URB2: variants seen among roughly 807,000 people sequenced by gnomAD.
URB2 encodes the protein URB2 ribosome biogenesis homolog, also known as unhealthy ribosome biogenesis protein 2 homolog.
In URB2, 86 loss-of-function variants were observed where a neutral mutation model predicts 120.9. The observed-to-expected ratio is 0.71, with a 90% CI of 0.60 to 0.85. The LOEUF (loss-of-function observed/expected upper bound fraction) is 0.85. Ranked by LOEUF, URB2 falls within the 40% of genes least tolerant of loss-of-function variation. The pLI is 0.00. For synonymous variants in URB2, 755 were observed against 758.4 expected, an observed-to-expected ratio of 1.00 and a Z score of 0.07; for missense variants, 1,765 against 1,836.5, an observed-to-expected ratio of 0.96 and a Z score of 0.71.
At chr1:229,639,306 A>G (rs1665941797) in intron 4 of URB2, among the ~76,000 whole-genome samples, 1 of 151,778 alleles carries the variant, frequency 6.6e-6, no homozygotes, top group African/African-American at 2.4e-5. Context: ...ATAAAAAAAT[A>G]AATTAAAAAA....
intron 6 of URB2, 89 bp from the exon 7 acceptor site, chr1:229,647,421 T>C: frequency 6.7e-7 from 1 of 1,491,720 alleles, no homozygotes. Flanking sequence ...GCACAGACAT[T>C]TCTACCTCAG....
rs1665823313 is a variant in URB2 at position 229,636,456 on chromosome 1, C to T, written c.1843C>T (p.Gln615Ter). Residue 615 changes from glutamine (Q) to a stop codon, truncating the protein, a stop_gained, in exon 4 of 10, where the codon CAG becomes TAG. Coordinates refer to ENST00000258243, the MANE Select transcript of URB2 (RefSeq NM_014777.4). LOFTEE classifies it high-confidence loss of function. ...GCTCCTGCTCTCTTACACTTGGGCC[C>T]AGGTGGACGCTATGTTCAGTTTGAA... Reference protein sequence around the residue: ...SVLLLSYTWAQVDAMFSLNCS... With the variant: ...SVLLLSYTWA 1 of 1,614,250 alleles carries T rather than the reference C, an allele frequency of 6.2e-7. No individual in the cohort carries two copies. The highest frequency in any genetic ancestry group is 8.5e-7 in the Non-Finnish European group (1 of 1,180,046).
At chr1:229,654,017 A>G (rs1303546459) in intron 8 of URB2, among the ~76,000 whole-genome samples, 2 of 150,366 alleles carry the variant, frequency 1.3e-5, no homozygotes, top group Admixed American at 6.7e-5. Flanking sequence ...TAGACTCTTA[A>G]AAACACCCGA....
chr1:229,648,943 G>C (rs1036919352), intron 7 of URB2, among the ~76,000 whole-genome samples: 1 of 152,208 alleles, frequency 6.6e-6, no homozygotes, highest in African/African-American at 2.4e-5. Flanking sequence ...ATAGCCTGTT[G>C]CTTCTGGGCT....
At chr1:229,654,409 T>G in intron 9 of URB2, 21 bp downstream of exon 9, 1 of 1,614,118 alleles carries the variant, frequency 6.2e-7, no homozygotes, top group Non-Finnish European at 8.5e-7. Flanking sequence ...GTTCAATGTC[T>G]TTCACCAAGT....
chr1:229,642,455 A>G (rs1217999304), intron 4 of URB2, among the ~76,000 whole-genome samples: 1 of 152,210 alleles, frequency 6.6e-6, no homozygotes, highest in Non-Finnish European at 1.5e-5. Flanking sequence ...TGCTGTAAAT[A>G]GTAAGCAAAG....
At position 229,637,377 on chromosome 1, in the gene URB2, C is replaced by G; in HGVS notation, c.2764C>G (p.Leu922Val). The G allele has an allele frequency of 6.2e-7, 1 of 1,614,244 alleles. No homozygotes were observed. The highest frequency in any genetic ancestry group is 8.5e-7 in the Non-Finnish European group (1 of 1,180,042). ...TCATGTGCATTATTTTCTTGTGTTA[C>G]TGTCCATGGCCGTCACCAAACTAGG... ...PYHVHYFLVL[L>V]SMAVTKLGCS... Residue 922 changes from leucine (L) to valine (V), a missense_variant, in exon 4 of 10, where the codon CTG becomes GTG. Physicochemically the swap from Leu to Val is conservative, Grantham distance 32. Transcript: ENST00000258243.
chr1:229,655,363 A>T (rs558811095), intron 9 of URB2, among the ~76,000 whole-genome samples: 2 of 152,250 alleles, frequency 1.3e-5, no homozygotes, highest in South Asian at 4.1e-4. Flanking sequence ...CCCCCTGAGT[A>T]GCTAGGATTA....
Position 229,637,589 on chromosome 1 carries a change from C to T in URB2, c.2976C>T (p.Pro992=), listed in dbSNP as rs80169786. The T allele has an allele frequency of 1.3e-3, 2,082 of 1,614,156 alleles. 37 individuals carry two copies. In the African/African-American group the frequency reaches 0.025, roughly 19 times the overall value. The part of the protein sequence containing the change: ...SSRFLIEMDD[P]AWLEFLQVIG... Reference sequence around the variant, plus strand: ...GGTTCCTTATTGAGATGGATGATCCCGCTTGGCTGGAATTCCTCCAAGTGA... The same window carrying T: ...GGTTCCTTATTGAGATGGATGATCCTGCTTGGCTGGAATTCCTCCAAGTGA... Residue 992 remains proline, a synonymous_variant, in exon 4 of 10, where the codon CCC becomes CCT. Transcript: ENST00000258243.
chr1:229,643,630 G>C lies in URB2; in HGVS notation c.3732G>C (p.Arg1244Ser). Residue 1244 changes from arginine (R) to serine (S), a missense_variant, in exon 5 of 10, where the codon AGG becomes AGC. Arg to Ser is a moderately radical substitution (Grantham distance 110). Transcript: ENST00000258243. Reference sequence around the variant, plus strand: ...AGGTTGGGACGACAGAGGACTTGAGGCTGGTGATGCAGTGTATTCTCCAGG... The same window carrying C: ...AGGTTGGGACGACAGAGGACTTGAGCCTGGTGATGCAGTGTATTCTCCAGG... Reference protein sequence around the residue: ...MLEVGTTEDLRLVMQCILQGL... With the variant: ...MLEVGTTEDLSLVMQCILQGL... The C allele has an allele frequency of 6.2e-7, 1 of 1,614,214 alleles. No homozygotes were observed. The highest frequency in any genetic ancestry group is 8.5e-7 in the Non-Finnish European group (1 of 1,180,044).
Position 229,659,267 on chromosome 1 carries a change from A to C in URB2, c.4545A>C (p.Lys1515Asn). Residue 1515 changes from lysine (K) to asparagine (N), a missense_variant, in exon 10 of 10, where the codon AAA becomes AAC. Lys to Asn is a moderately conservative substitution (Grantham distance 94, BLOSUM62 0). Coordinates refer to ENST00000258243, the MANE Select transcript of URB2 (RefSeq NM_014777.4). ...YNDYLKYHKA[K>N]HEGEKRYTA ...ACTATCTCAAGTACCACAAGGCCAAACATGAAGGAGAGAAAAGATATACGG... is the reference window on the plus strand; with the variant it reads ...ACTATCTCAAGTACCACAAGGCCAACCATGAAGGAGAGAAAAGATATACGG... 1 of 1,614,030 alleles carries C rather than the reference A, an allele frequency of 6.2e-7. No individual in the cohort carries two copies. The highest frequency in any genetic ancestry group is 8.5e-7 in the Non-Finnish European group (1 of 1,180,040).
rs940544341 is a variant in URB2 at position 229,647,417 on chromosome 1, A to G, written c.3907-93A>G. 1.5e-5 allele frequency: 22 copies of G among 1,470,170 alleles called. No individual in the cohort carries two copies. In the African/African-American group the frequency reaches 3.1e-4, roughly 21 times the overall value. 91.1% of individuals were successfully genotyped at this position (1,470,170 alleles called of 1,614,324 possible). On this transcript the variant is annotated intron_variant, in intron 6 of 9. Coordinates refer to ENST00000258243, the MANE Select transcript of URB2 (RefSeq NM_014777.4). ...CACATCAATTCATTTTGGAGCACAG[A>G]CATTTCTACCTCAGTCACTCAGAGC... is the stretch of plus-strand genomic sequence containing the variant.
At chr1:229,638,450 C>T (rs1665913494) in intron 4 of URB2, among the ~76,000 whole-genome samples, 1 of 151,930 alleles carries the variant, frequency 6.6e-6, no homozygotes, top group Non-Finnish European at 1.5e-5. Context: ...TCGAGACCAT[C>T]CTGGCTAACA....
At chr1:229,634,818 G>A (rs1665750506) in intron 3 of URB2, 99 bp from the exon 4 acceptor site, 5 of 1,128,022 alleles carry the variant, frequency 4.4e-6, no homozygotes, top group East Asian at 2.7e-5. Flanking sequence ...CCAAGATGAG[G>A]GAAAGGGGTG....
chr1:229,647,674 T>C lies in URB2; in HGVS notation c.4071T>C (p.His1357=). 4 of 1,614,168 alleles carry C rather than the reference T, an allele frequency of 2.5e-6. No individual in the cohort carries two copies. Among genetic ancestry groups the C allele is most frequent in the Non-Finnish European group, 3.4e-6 (4 of 1,180,026 alleles). The change falls in exon 7 of 10, where the codon CAT becomes CAC. Residue 1357 remains histidine (H), a synonymous_variant. Coordinates refer to ENST00000258243, the MANE Select transcript of URB2 (RefSeq NM_014777.4). The part of the protein sequence containing the change: ...FSILLTVPLD[H]LKPLEYGSVF... ...TCCTTCTCACTGTCCCTTTGGACCA[T>C]CTGAAGCCGCTGGAGTATGGAAGCG...
At chr1:229,641,271 C>T (rs1341812435) in intron 4 of URB2, among the ~76,000 whole-genome samples, 2 of 152,084 alleles carry the variant, frequency 1.3e-5, no homozygotes, top group Admixed American at 6.6e-5. Flanking sequence ...CCTCAGCCTC[C>T]GAAAGTGCTG....
chr1:229,645,568 A>C (rs958710612), intron 5 of URB2, among the ~76,000 whole-genome samples: 1 of 152,152 alleles, frequency 6.6e-6, no homozygotes, highest in Admixed American at 6.5e-5. Context: ...ACCCTTTTGC[A>C]ATTCACTGTC....
chr1:229,634,823 G>C, intron 3 of URB2, 94 bp from the exon 4 acceptor site: 1 of 1,155,114 alleles, frequency 8.7e-7, no homozygotes, highest in Non-Finnish European at 1.2e-6. Context: ...ATGAGGGAAA[G>C]GGGTGAGTTT....
intron 4 of URB2, among the ~76,000 whole-genome samples, chr1:229,639,219 C>T (rs541544078): frequency 6.6e-6 from 1 of 152,132 alleles, no homozygotes; most frequent in East Asian, 1.9e-4. Context: ...CACCTGAGCC[C>T]AGGGAGGTCG....
Sources: allele counts gnomAD v4.1 joint callset (sites outside exome capture counted in the v4.1 genomes callset), GRCh38; gene constraint gnomAD v4.1.1; transcripts MANE v1.5; gene names NCBI Gene and HGNC (gene_info 2026-07-23, HGNC 2026-07-21).